TNR: variants seen among roughly 807,000 people sequenced by gnomAD.
TNR encodes tenascin R, also known as tenascin-R.
In TNR, 45 loss-of-function variants were observed where a neutral mutation model predicts 150.4. That is an observed-to-expected ratio of 0.30 (90% CI 0.24 to 0.38). TNR has a LOEUF of 0.38. Ranked by LOEUF, TNR falls within the 10% of genes least tolerant of loss-of-function variation. The pLI is 1.00. For synonymous variants in TNR, 687 were observed against 678.4 expected, an observed-to-expected ratio of 1.01 and a Z score of -0.20; for missense variants, 1,544 against 1,759.1, an observed-to-expected ratio of 0.88 and a Z score of 2.19.
chr1:175,597,877 A>G (rs980170824), intron 1 of TNR, among the ~76,000 whole-genome samples: 7 of 152,202 alleles, frequency 4.6e-5, no homozygotes, highest in Non-Finnish European at 8.8e-5. Flanking sequence ...CTCTAGGCTC[A>G]TTTCCATTGT....
intron 7 of TNR, among the ~76,000 whole-genome samples, chr1:175,388,009 A>G (rs1653011675): frequency 6.6e-6 from 1 of 152,238 alleles, no homozygotes; most frequent in Non-Finnish European, 1.5e-5. Context: ...TGAGGTAGTA[A>G]TGTGATTTAA....
intron 4 of TNR, among the ~76,000 whole-genome samples, chr1:175,399,951 A>G (rs1469023780): frequency 2.0e-5 from 3 of 152,236 alleles, no homozygotes; most frequent in Non-Finnish European, 4.4e-5. Flanking sequence ...TGCAGTCCTG[A>G]CAGAGCAGAG....
At chr1:175,532,894 C>T (rs147081468) in intron 1 of TNR, among the ~76,000 whole-genome samples, 210 of 152,136 alleles carry the variant, frequency 1.4e-3, no homozygotes, top group South Asian at 4.4e-3. Flanking sequence ...AGAAAGTGCA[C>T]GGTGGAAGCC....
chr1:175,731,464 G>T (rs1007445959), intron 1 of TNR, among the ~76,000 whole-genome samples: 1 of 152,144 alleles, frequency 6.6e-6, no homozygotes, highest in Admixed American at 6.5e-5. Context: ...CAAAATGCAG[G>T]AAATTATTCT....
chr1:175,507,016 C>T (rs1449132933), intron 2 of TNR, among the ~76,000 whole-genome samples: 1 of 152,154 alleles, frequency 6.6e-6, no homozygotes, highest in Non-Finnish European at 1.5e-5. Flanking sequence ...GCCACAGGGT[C>T]CTGGTGGCAC....
chr1:175,540,556 C>T (rs74127329), intron 1 of TNR, among the ~76,000 whole-genome samples: 6,354 of 152,270 alleles, frequency 0.042, 152 homozygotes, highest in South Asian at 0.066. Flanking sequence ...CCCTGGCCTA[C>T]AGCTAGATGG....
At chr1:175,736,872 T>C (rs1348671159) in intron 1 of TNR, among the ~76,000 whole-genome samples, 1 of 151,588 alleles carries the variant, frequency 6.6e-6, no homozygotes, top group Non-Finnish European at 1.5e-5. Flanking sequence ...GATCAAAAAA[T>C]TAGCTGGGCA....
Position 175,367,244 on chromosome 1 carries a change from G to C in TNR, c.2017C>G (p.Gln673Glu). Residue 673 changes from glutamine (Q) to glutamate (E), a missense_variant, in exon 10 of 23, where the codon CAG (glutamine) becomes GAG (glutamate). Transcript: ENST00000367674. ...GVGISAVMNS[Q>E]QSVPATMNAR... ...TTCATGGTGGCTGGCACGCTTTGCT[G>C]TGAGTTCATGACGGCAGATATTCCA... is the stretch of plus-strand genomic sequence containing the variant. 1 of 1,614,142 alleles carries C rather than the reference G, an allele frequency of 6.2e-7. No individual in the cohort carries two copies. Among genetic ancestry groups the C allele is most frequent in the Non-Finnish European group, 8.5e-7 (1 of 1,180,006 alleles).
chr1:175,742,584 G>A (rs1438283600), intron 1 of TNR, among the ~76,000 whole-genome samples: 1 of 152,030 alleles, frequency 6.6e-6, no homozygotes, highest in Non-Finnish European at 1.5e-5. Context: ...ACCCCCCAAA[G>A]CCGCCCCAGC....
intron 2 of TNR, among the ~76,000 whole-genome samples, chr1:175,485,080 TCACTGAAG>T (rs1235654926): frequency 6.6e-6 from 1 of 152,190 alleles, no homozygotes; most frequent in African/African-American, 2.4e-5. Flanking sequence ...ACAAATGTCT[TCACTGAAG>T]GATACAGAGT....
chr1:175,683,743 T>C (rs975076145), intron 1 of TNR, among the ~76,000 whole-genome samples: 6 of 152,096 alleles, frequency 3.9e-5, no homozygotes, highest in African/African-American at 1.4e-4. Flanking sequence ...TGTGAGAGTA[T>C]GTGAGGGTGT....
intron 1 of TNR, among the ~76,000 whole-genome samples, chr1:175,559,027 C>T (rs980926591): frequency 1.3e-5 from 2 of 152,170 alleles, no homozygotes; most frequent in Admixed American, 1.3e-4. Context: ...GGTAGGGACA[C>T]ATGGGAAGTG....
intron 2 of TNR, among the ~76,000 whole-genome samples, chr1:175,476,729 C>T (rs2102123788): frequency 6.6e-6 from 1 of 152,286 alleles, no homozygotes; most frequent in Admixed American, 6.5e-5. Context: ...GTAATAACAC[C>T]ATTGTATGCA....
chr1:175,513,390 G>GTTC (rs1412210165), intron 2 of TNR, among the ~76,000 whole-genome samples: 1 of 152,132 alleles, frequency 6.6e-6, no homozygotes, highest in South Asian at 2.1e-4. Context: ...TGTAGTCTAG[G>GTTC]TTCTTCTTCT....
At chr1:175,325,856 C>A (rs1040839279) in intron 21 of TNR, among the ~76,000 whole-genome samples, 17 of 150,466 alleles carry the variant, frequency 1.1e-4, no homozygotes, top group Non-Finnish European at 1.9e-4. Context: ...CATCACACAC[C>A]AGGGCCTGTT....
At chr1:175,718,400 A>G (rs16849040) in intron 1 of TNR, among the ~76,000 whole-genome samples, 3,316 of 152,324 alleles carry the variant, frequency 0.022, 49 homozygotes, top group Non-Finnish European at 0.035. Context: ...ACTCGCACTA[A>G]TTAGAAAGCA....
rs1649661437 is a variant in TNR, at chr1:175,330,233, G to T, written c.3634C>A (p.Leu1212Met). The T allele has an allele frequency of 1.3e-6, 2 of 1,551,500 alleles. No individual in the cohort carries two copies. The highest frequency in any genetic ancestry group is 1.8e-6 in the Non-Finnish European group (2 of 1,138,672). The part of the protein sequence containing the change: ...GNVEDEFWLG[L>M]DNIHRITSQG... ...GATGTGATCCTGTGTATATTGTCCA[G>T]CCCTGTGGAGAAGAGCAGAAAATGC... The change falls in exon 21 of 23, where the codon CTG (leucine) becomes ATG (methionine). Residue 1212 changes from leucine to methionine, a missense_variant and splice_region_variant. Leu to Met is a conservative substitution (Grantham distance 15). Transcript: ENST00000367674.
rs1267263898 is a variant in TNR, at chr1:175,615,092, A to G, written c.-164-86723T>C. Among the ~76,000 whole-genome samples the G allele has an allele frequency of 5.3e-5, 8 of 152,214 alleles. No individual in the cohort carries two copies. In the South Asian group the frequency reaches 1.4e-3, roughly 28 times the overall value. ...GAAGGAAGGGAAATGGCTCAGTTAC[A>G]TTAGTGGAGATAAATCGAGGGTGGA... On this transcript the variant is annotated intron_variant, in intron 1 of 22. Coordinates refer to ENST00000367674, the MANE Select transcript of TNR (RefSeq NM_003285.3).
intron 1 of TNR, among the ~76,000 whole-genome samples, chr1:175,672,416 T>A (rs752667697): frequency 6.6e-6 from 1 of 152,212 alleles, no homozygotes; most frequent in Non-Finnish European, 1.5e-5. Context: ...AATAGAGATG[T>A]GCTGACTTCC....
Sources: gnomAD v4.1 joint callset for allele counts (sites outside exome capture counted in the v4.1 genomes callset) on GRCh38, gnomAD v4.1.1 for gene constraint, MANE v1.5 for transcripts, NCBI Gene and HGNC (gene_info 2026-07-23, HGNC 2026-07-21) for gene names.